GALNT17: variants seen among roughly 807,000 people sequenced by gnomAD.
GALNT17 encodes the protein UDP-GalNAc:polypeptide N-acetylgalactosaminyltransferase-like 3.
GALNT17 carries 29 observed loss-of-function variants against 63.7 expected under a neutral mutation model. The observed-to-expected ratio is 0.46, with a 90% CI of 0.34 to 0.62. GALNT17 has a LOEUF of 0.62. Ranked by LOEUF, GALNT17 falls within the 20% of genes least tolerant of loss-of-function variation. The pLI is 0.01. For missense variants in GALNT17, 603 were observed against 799.6 expected, an observed-to-expected ratio of 0.75 and a Z score of 2.97; for synonymous variants, 305 against 318.3, an observed-to-expected ratio of 0.96 and a Z score of 0.45.
intron 9 of GALNT17, among the ~76,000 whole-genome samples, chr7:71,694,183 T>A (rs576825629): frequency 3.4e-4 from 52 of 152,140 alleles, no homozygotes; most frequent in African/African-American, 1.2e-3. Flanking sequence ...TTATTCACTA[T>A]CTCAAGAATA....
chr7:71,208,952 A>C (rs551422245), intron 1 of GALNT17, among the ~76,000 whole-genome samples: 4 of 152,160 alleles, frequency 2.6e-5, no homozygotes, highest in Non-Finnish European at 4.4e-5. Context: ...AGGGGTTGGC[A>C]GACTTCTCCT....
chr7:71,271,955 C>T (rs1322342701), intron 1 of GALNT17, among the ~76,000 whole-genome samples: 1 of 152,142 alleles, frequency 6.6e-6, no homozygotes, highest in South Asian at 2.1e-4. Flanking sequence ...GATGGGGTCT[C>T]CCTATGTTGG....
chr7:71,602,360 C>A (rs1187011223), intron 6 of GALNT17, among the ~76,000 whole-genome samples: 1 of 152,194 alleles, frequency 6.6e-6, no homozygotes, highest in Non-Finnish European at 1.5e-5. Flanking sequence ...GCAGAGGCAG[C>A]TCCCAGCTCC....
intron 3 of GALNT17, among the ~76,000 whole-genome samples, chr7:71,392,596 T>G (rs1173258611): frequency 1.3e-5 from 2 of 152,184 alleles, no homozygotes; most frequent in Non-Finnish European, 2.9e-5. Flanking sequence ...AACCACGCCT[T>G]GAGCCCTGTC....
At chr7:71,266,576 C>T (rs1790495977) in intron 1 of GALNT17, among the ~76,000 whole-genome samples, 1 of 152,182 alleles carries the variant, frequency 6.6e-6, no homozygotes, top group Non-Finnish European at 1.5e-5. Context: ...TCGTAAATTA[C>T]CCAGGCTCAG....
At chr7:71,539,259 C>A (rs551271445) in intron 5 of GALNT17, among the ~76,000 whole-genome samples, 33 of 152,060 alleles carry the variant, frequency 2.2e-4, no homozygotes, top group Non-Finnish European at 1.8e-4. Flanking sequence ...GTTTTTGATC[C>A]TTCATGCTCT....
intron 1 of GALNT17, among the ~76,000 whole-genome samples, chr7:71,185,522 C>CTTTTTTTT (rs747181057): frequency 8.0e-6 from 1 of 124,640 alleles, no homozygotes; most frequent in African/African-American, 3.1e-5. Flanking sequence ...CGTTTCTTTT[C>CTTTTTTTT]TTTTTTTTTT....
At chr7:71,540,105 T>TTTTTC in intron 5 of GALNT17, among the ~76,000 whole-genome samples, 1 of 100,686 alleles carries the variant, frequency 9.9e-6, no homozygotes, top group Non-Finnish European at 2.0e-5. Context: ...TTTTTTTTTT[T>TTTTTC]TTTTTTTTTT....
At chr7:71,575,786 A>T (rs1029312601) in intron 6 of GALNT17, among the ~76,000 whole-genome samples, 27 of 152,154 alleles carry the variant, frequency 1.8e-4, no homozygotes, top group Non-Finnish European at 1.0e-4. Flanking sequence ...GTAAGTAAAG[A>T]TCTGTCAGAA....
intron 2 of GALNT17, among the ~76,000 whole-genome samples, chr7:71,345,147 G>GTTTTTTTTTTTTTTTTTTT: frequency 7.2e-6 from 1 of 139,452 alleles, no homozygotes; most frequent in Non-Finnish European, 1.6e-5. Context: ...GTTGTTTTTT[G>GTTTTTTTTTTTTTTTTTTT]TTTTTTTTTT....
intron 1 of GALNT17, among the ~76,000 whole-genome samples, chr7:71,242,417 T>C (rs1294208310): frequency 6.6e-6 from 1 of 151,636 alleles, no homozygotes; most frequent in Non-Finnish European, 1.5e-5. Flanking sequence ...TACAGGCGCC[T>C]ACCACCACGC....
At chr7:71,185,666 C>A (rs1788837045) in intron 1 of GALNT17, among the ~76,000 whole-genome samples, 1 of 151,956 alleles carries the variant, frequency 6.6e-6, no homozygotes, top group Non-Finnish European at 1.5e-5. Context: ...CACCACCACG[C>A]CTAGCTAATT....
intron 1 of GALNT17, among the ~76,000 whole-genome samples, chr7:71,220,918 A>G (rs1156811768): frequency 6.6e-6 from 1 of 152,174 alleles, no homozygotes. Flanking sequence ...AAACTAATAT[A>G]TGAAGTGAAG....
chr7:71,519,145 G>A (rs1476257286), intron 5 of GALNT17, among the ~76,000 whole-genome samples: 1 of 152,142 alleles, frequency 6.6e-6, no homozygotes, highest in Non-Finnish European at 1.5e-5. Context: ...GGAGAGAAGT[G>A]TGATCTGGAA....
At chr7:71,339,013 T>G (rs1791961899) in intron 2 of GALNT17, among the ~76,000 whole-genome samples, 1 of 152,302 alleles carries the variant, frequency 6.6e-6, no homozygotes. Flanking sequence ...CCAAAACATC[T>G]GTCTGTTTTT....
chr7:71,392,491 G>A (rs2116357863), intron 3 of GALNT17, among the ~76,000 whole-genome samples: 1 of 152,280 alleles, frequency 6.6e-6, no homozygotes, highest in Admixed American at 6.5e-5. Flanking sequence ...CAGGAGGCTT[G>A]GGGTAAGGCT....
At chr7:71,415,324 T>C (rs1793505213) in intron 3 of GALNT17, among the ~76,000 whole-genome samples, 1 of 152,178 alleles carries the variant, frequency 6.6e-6, no homozygotes, top group Admixed American at 6.5e-5. Flanking sequence ...GAAATTAATC[T>C]AGCAACCTCC....
intron 1 of GALNT17, among the ~76,000 whole-genome samples, chr7:71,230,185 A>G (rs1028244765): frequency 4.6e-5 from 7 of 152,346 alleles, no homozygotes; most frequent in African/African-American, 1.4e-4. Flanking sequence ...CAGAATGTCA[A>G]ATATCAGGTA....
At chr7:71,609,177 A>C (rs1790089474) in intron 6 of GALNT17, among the ~76,000 whole-genome samples, 2 of 152,128 alleles carry the variant, frequency 1.3e-5, no homozygotes, top group South Asian at 4.2e-4. Flanking sequence ...GTCTATACCA[A>C]AGGATGTGCC....
Sources: allele counts gnomAD v4.1 joint callset (sites outside exome capture counted in the v4.1 genomes callset), GRCh38; gene constraint gnomAD v4.1.1; transcripts MANE v1.5; gene names NCBI Gene and HGNC (gene_info 2026-07-23, HGNC 2026-07-21).